The following ZSCAN5A variants were observed in gnomAD, a reference collection of about 807,000 sequenced individuals.
ZSCAN5A encodes zinc finger and SCAN domain containing 5A.
Under a neutral mutation model 23.7 loss-of-function variants are expected in ZSCAN5A, and 12 were observed. That is an observed-to-expected ratio of 0.51 (90% CI 0.32 to 0.82). The LOEUF is 0.82. ZSCAN5A is among the 40% of genes least tolerant of loss of function. ZSCAN5A has a pLI of 0.03. For synonymous variants in ZSCAN5A, 257 were observed against 239.9 expected, an observed-to-expected ratio of 1.07 and a Z score of -0.66; for missense variants, 597 against 617.9, an observed-to-expected ratio of 0.97 and a Z score of 0.36.
At chr19:56,251,654 C>G (rs2036352886) in intron 2 of ZSCAN5A, among the ~76,000 whole-genome samples, 1 of 152,138 alleles carries the variant, frequency 6.6e-6, no homozygotes, top group Non-Finnish European at 1.5e-5. Flanking sequence ...ATCTCCTGGG[C>G]ACCAGCTTCC....
chr19:56,367,624 A>G (rs36029922), intron 1 of ZSCAN5A, among the ~76,000 whole-genome samples: 5,931 of 152,352 alleles, frequency 0.039, 168 homozygotes, highest in Middle Eastern at 0.071. Context: ...TTCTCCATTC[A>G]TTGCTTATTT....
Position 56,321,555 on chromosome 19 carries a change from G to T in ZSCAN5A, c.-357-5287C>A, listed in dbSNP as rs2041376172. On this transcript the variant is annotated intron_variant, in intron 2 of 6. Transcript: ENST00000587340. Reference sequence around the variant, plus strand: ...TCTGTCTGGGTGTCTGTCTTCTTAAGCAAGCTCACTACCTCCCTGTCATTG... The same window carrying T: ...TCTGTCTGGGTGTCTGTCTTCTTAATCAAGCTCACTACCTCCCTGTCATTG... 3 of 755,046 alleles carry T rather than the reference G, an allele frequency of 4.0e-6. No individual in the cohort carries two copies. In the East Asian group the frequency reaches 7.3e-5, roughly 18 times the overall value. The allele number at this position is 755,046 out of a possible 1,614,324, so 46.8% of individuals were successfully genotyped here.
Position 56,223,673 on chromosome 19 carries a change from C to T in ZSCAN5A, c.546G>A (p.Glu182=), listed in dbSNP as rs765368134. 5.0e-6 allele frequency: 8 copies of T among 1,613,824 alleles called. No homozygotes were observed. The Admixed American group carries it at 5.0e-5, about 10-fold the overall frequency. ...CAGGGACCCTGGGCAGGATCTGCAG[C>T]TCTCGGTGGGCCTGGCCTTCCCCTG... ...MRPGEGQAHR[E]LQILPRVPAL... Residue 182 remains glutamate, a synonymous_variant, in exon 4 of 6, where the codon GAG becomes GAA. Transcript: ENST00000683990.
chr19:56,351,450 C>T lies in ZSCAN5A; in HGVS notation c.-358+11785G>A, dbSNP rs889608718. On this transcript the variant is annotated intron_variant, in intron 2 of 6. Coordinates refer to the ZSCAN5A transcript ENST00000587340. This position sits in a 1 kb window ranked among gnomAD's most constrained non-coding sequence, Gnocchi z 4.8. The stretch of plus-strand genomic sequence containing the variant: ...CTCCCAGGCTACATGAATAACACAC[C>T]TGGTCAAGCCAATCCTTTGGGCCCT... Among the ~76,000 whole-genome samples the T allele has an allele frequency of 1.3e-5, 2 of 152,122 alleles. No homozygotes were observed. Among genetic ancestry groups the T allele is most frequent in the African/African-American group, 2.4e-5 (1 of 41,438 alleles).
chr19:56,246,640 T>C (rs1484582409), intron 2 of ZSCAN5A: 5 of 733,294 alleles, frequency 6.8e-6, no homozygotes, highest in Non-Finnish European at 2.3e-6. Context: ...TGAGGGGAAG[T>C]TGTCAGCCAA....
intron 2 of ZSCAN5A, among the ~76,000 whole-genome samples, chr19:56,233,252 G>C (rs1358470556): frequency 6.6e-6 from 1 of 152,052 alleles, no homozygotes; most frequent in East Asian, 1.9e-4. Flanking sequence ...CTTGAGATGA[G>C]ACTTCTGCTT....
intron 2 of ZSCAN5A, among the ~76,000 whole-genome samples, chr19:56,290,652 A>C (rs1038168595): frequency 2.6e-5 from 4 of 152,176 alleles, no homozygotes; most frequent in Non-Finnish European, 4.4e-5. Flanking sequence ...TGAGCCCAGG[A>C]GTTTAAGATC....
intron 2 of ZSCAN5A, among the ~76,000 whole-genome samples, chr19:56,362,925 A>G (rs991188145): frequency 4.6e-5 from 7 of 152,188 alleles, no homozygotes; most frequent in African/African-American, 1.7e-4. Context: ...GTATACGGGA[A>G]CTGCCTGTAC....
chr19:56,351,746 A>G lies in ZSCAN5A; in HGVS notation c.-358+11489T>C, dbSNP rs2041668711. On this transcript the variant is annotated intron_variant, in intron 2 of 6. Transcript: ENST00000587340. The surrounding 1 kb of genome is among the most constrained non-coding windows in gnomAD (Gnocchi z 4.8). ...AATGAACTTGGGCTGCTCTGTCCCAATGTCTCCATCCTTTGCATCTTAACC... is the reference window on the plus strand; with the variant it reads ...AATGAACTTGGGCTGCTCTGTCCCAGTGTCTCCATCCTTTGCATCTTAACC... 2.0e-5 allele frequency among the ~76,000 whole-genome samples: 3 copies of G among 152,174 alleles called. No individual in the cohort carries two copies. Among genetic ancestry groups the G allele is most frequent in the Admixed American group, 2.0e-4 (3 of 15,274 alleles).
chr19:56,269,651 G>A (rs147336136), intron 2 of ZSCAN5A, among the ~76,000 whole-genome samples: 95 of 152,278 alleles, frequency 6.2e-4, no homozygotes, highest in African/African-American at 2.0e-3. Flanking sequence ...AGCAATGTAC[G>A]GTGAGAAAGA....
intron 2 of ZSCAN5A, among the ~76,000 whole-genome samples, chr19:56,334,760 C>G (rs1252256715): frequency 6.6e-6 from 1 of 151,908 alleles, no homozygotes; most frequent in African/African-American, 2.4e-5. Flanking sequence ...AGAAAAGTGG[C>G]CAAATTATTA....
At chr19:56,247,527 G>T (rs1316195973) in intron 2 of ZSCAN5A, 1 of 158,684 alleles carries the variant, frequency 6.3e-6, no homozygotes, top group Non-Finnish European at 1.4e-5. Flanking sequence ...GATGAGATAT[G>T]ACATGAAGCA....
intron 2 of ZSCAN5A, among the ~76,000 whole-genome samples, chr19:56,227,340 C>T (rs896698415): frequency 2.0e-5 from 3 of 152,102 alleles, no homozygotes; most frequent in South Asian, 2.1e-4. Context: ...ATTGAAAAAG[C>T]ACACAGATAT....
intron 2 of ZSCAN5A, among the ~76,000 whole-genome samples, chr19:56,311,231 C>T (rs540486472): frequency 6.6e-6 from 1 of 152,060 alleles, no homozygotes; most frequent in African/African-American, 2.4e-5. Context: ...AAAGATCATC[C>T]CTATAGCCAT....
chr19:56,322,566 ATC>A (rs2041387811), intron 2 of ZSCAN5A, among the ~76,000 whole-genome samples: 1 of 152,070 alleles, frequency 6.6e-6, no homozygotes, highest in African/African-American at 2.4e-5. Flanking sequence ...CTCTCTGTTC[ATC>A]TCTGTCTCTA....
chr19:56,240,339 G>T (rs62122525), intron 2 of ZSCAN5A, among the ~76,000 whole-genome samples: 2 of 152,128 alleles, frequency 1.3e-5, no homozygotes, highest in Non-Finnish European at 2.9e-5. Flanking sequence ...CTGTGGGCAG[G>T]GTTTCATTGG....
At chr19:56,337,210 T>C (rs1191853528) in intron 2 of ZSCAN5A, among the ~76,000 whole-genome samples, 1 of 152,250 alleles carries the variant, frequency 6.6e-6, no homozygotes, top group Non-Finnish European at 1.5e-5. Flanking sequence ...GCAGGCCTCC[T>C]CGAGCTGTGG....
At chr19:56,272,913 C>T (rs961487296) in intron 2 of ZSCAN5A, 8 of 984,922 alleles carry the variant, frequency 8.1e-6, no homozygotes, top group Non-Finnish European at 8.4e-6. Context: ...CTGTACTCCT[C>T]GTGAAGGTAA....
At chr19:56,367,707 T>C (rs569754767) in intron 1 of ZSCAN5A, 1 of 152,352 alleles carries the variant, frequency 6.6e-6, no homozygotes, top group East Asian at 1.9e-4. Context: ...CGTGCACACA[T>C]GAGCAACTGA....
Sources: gnomAD v4.1 joint callset for allele counts (sites outside exome capture counted in the v4.1 genomes callset) on GRCh38, gnomAD v4.1.1 for gene constraint, Gnocchi (gnomAD v3.1) non-coding constraint, MANE v1.5 for transcripts, NCBI Gene and HGNC (gene_info 2026-07-23, HGNC 2026-07-21) for gene names.